The following N4BP1 variants were observed in gnomAD, a reference collection of about 807,000 sequenced individuals.
N4BP1 encodes NEDD4-binding protein 1.
N4BP1 carries 21 observed loss-of-function variants against 70.9 expected under a neutral mutation model. That is an observed-to-expected ratio of 0.30 (90% CI 0.21 to 0.43). The LOEUF (loss-of-function observed/expected upper bound fraction) is 0.43. Ranked by LOEUF, N4BP1 falls within the 20% of genes least tolerant of loss-of-function variation. The pLI, the probability that N4BP1 is intolerant of heterozygous loss-of-function variation, is 1.00. For synonymous variants in N4BP1, 387 were observed against 394.6 expected (o/e 0.98, Z 0.23); for missense variants, 936 against 1,069.4 (o/e 0.88, Z 1.74).
chr16:48,554,341 T>C (rs745309186), intron 2 of N4BP1, among the ~76,000 whole-genome samples: 7 of 152,218 alleles, frequency 4.6e-5, no homozygotes, highest in African/African-American at 7.2e-5. Flanking sequence ...TGTGCGGCTA[T>C]GTTCCACATT....
chr16:48,604,814 G>C (rs1208583109), intron 1 of N4BP1, among the ~76,000 whole-genome samples: 2 of 151,906 alleles, frequency 1.3e-5, no homozygotes, highest in African/African-American at 4.8e-5. Flanking sequence ...ATTAAATCTG[G>C]ATTCCTTGCT....
At chr16:48,570,894 T>G (rs530302906) in intron 1 of N4BP1, among the ~76,000 whole-genome samples, 1 of 152,266 alleles carries the variant, frequency 6.6e-6, no homozygotes, top group East Asian at 1.9e-4. Context: ...TGAGTTCAAG[T>G]GATTCTCCTG....
intron 1 of N4BP1, among the ~76,000 whole-genome samples, chr16:48,592,024 C>A (rs2151099167): frequency 6.6e-6 from 1 of 152,106 alleles, no homozygotes; most frequent in East Asian, 1.9e-4. Flanking sequence ...GGATACTTGG[C>A]TCACTGCACG....
intron 6 of N4BP1, 89 bp from the exon 7 acceptor site, chr16:48,543,350 G>C (rs1963537608): frequency 8.9e-7 from 1 of 1,124,304 alleles, no homozygotes. Flanking sequence ...GGCAGGCCTT[G>C]AGGCTCAGGA....
At chr16:48,552,950 C>T (rs1302409889) in intron 3 of N4BP1, among the ~76,000 whole-genome samples, 3 of 152,060 alleles carry the variant, frequency 2.0e-5, no homozygotes, top group Non-Finnish European at 4.4e-5. Flanking sequence ...CCCTCCTTCC[C>T]CACAATCTAC....
At chr16:48,608,891 T>A (rs1964628487) in intron 1 of N4BP1, among the ~76,000 whole-genome samples, 1 of 152,000 alleles carries the variant, frequency 6.6e-6, no homozygotes, top group Admixed American at 6.5e-5. Flanking sequence ...GTAGGTAATA[T>A]CAATACAAAG....
chr16:48,540,200 G>C lies in N4BP1; in HGVS notation c.*2704C>G, dbSNP rs1312246569. On this transcript the variant is annotated 3_prime_UTR_variant, in exon 7 of 7. Coordinates refer to ENST00000262384, the MANE Select transcript of N4BP1 (RefSeq NM_153029.4). ...TGCAGGAACTGGGTGAGGACAAGGAGGTGCGAGGAAAGGGGTTGGGGGATG... is the reference window on the plus strand; with the variant it reads ...TGCAGGAACTGGGTGAGGACAAGGACGTGCGAGGAAAGGGGTTGGGGGATG... 6.6e-6 allele frequency: 1 copy of C among 152,604 alleles called. No homozygotes were observed. Among genetic ancestry groups the C allele is most frequent in the Non-Finnish European group, 1.5e-5 (1 of 68,318 alleles). 9.5% of individuals were successfully genotyped at this position (152,604 alleles called of 1,614,324 possible).
intron 1 of N4BP1, among the ~76,000 whole-genome samples, chr16:48,568,399 T>G (rs1237384804): frequency 6.6e-6 from 1 of 152,210 alleles, no homozygotes; most frequent in East Asian, 1.9e-4. Context: ...TTATAATTTT[T>G]CTTTCAATGT....
intron 2 of N4BP1, among the ~76,000 whole-genome samples, chr16:48,556,789 G>A (rs554268696): frequency 5.9e-5 from 9 of 152,212 alleles, no homozygotes; most frequent in Non-Finnish European, 8.8e-5. Context: ...AGGAAAAAGC[G>A]ATTTCTTTTT....
chr16:48,546,890 A>G (rs1963598634), intron 5 of N4BP1, among the ~76,000 whole-genome samples: 1 of 152,228 alleles, frequency 6.6e-6, no homozygotes, highest in Non-Finnish European at 1.5e-5. Flanking sequence ...CCCTCCATGC[A>G]TACATGGATG....
intron 5 of N4BP1, chr16:48,546,529 T>G (rs1353796395): frequency 2.3e-5 from 7 of 299,680 alleles, no homozygotes; most frequent in African/African-American, 6.4e-5. Flanking sequence ...GGAAGCCGCT[T>G]CTTCTTCTAA....
chr16:48,596,384 T>C (rs1964415086), intron 1 of N4BP1, among the ~76,000 whole-genome samples: 1 of 152,182 alleles, frequency 6.6e-6, no homozygotes, highest in Admixed American at 6.5e-5. Flanking sequence ...TCAGCCTGGC[T>C]TGCGTGAGTA....
intron 1 of N4BP1, among the ~76,000 whole-genome samples, chr16:48,566,882 C>T (rs1963949841): frequency 6.6e-6 from 1 of 152,172 alleles, no homozygotes; most frequent in Non-Finnish European, 1.5e-5. Flanking sequence ...TATTTTGCAG[C>T]TCTACTGATA....
At chr16:48,583,172 C>A (rs1597106107) in intron 1 of N4BP1, among the ~76,000 whole-genome samples, 1 of 152,070 alleles carries the variant, frequency 6.6e-6, no homozygotes, top group Non-Finnish European at 1.5e-5. Flanking sequence ...GATTCCAGGA[C>A]CCTTTTGCAA....
chr16:48,594,019 C>A (rs7189119), intron 1 of N4BP1, among the ~76,000 whole-genome samples: 31,838 of 94,136 alleles, frequency 0.34, 5,309 homozygotes, highest in African/African-American at 0.4. Context: ...AAAAAAAAAA[C>A]AAAAAAAAAA....
chr16:48,576,172 A>G (rs948976956), intron 1 of N4BP1, among the ~76,000 whole-genome samples: 64 of 151,928 alleles, frequency 4.2e-4, no homozygotes, highest in Non-Finnish European at 6.9e-4. Context: ...AAAGCCTCAG[A>G]AAAAAAACAA....
chr16:48,579,120 A>G (rs1964141255), intron 1 of N4BP1, among the ~76,000 whole-genome samples: 1 of 152,224 alleles, frequency 6.6e-6, no homozygotes, highest in African/African-American at 2.4e-5. Flanking sequence ...CCTACAATAC[A>G]CAGTACAGCC....
chr16:48,547,217 A>G (rs538648211), intron 5 of N4BP1, among the ~76,000 whole-genome samples: 1 of 152,352 alleles, frequency 6.6e-6, no homozygotes, highest in South Asian at 2.1e-4. Context: ...TTTACTATAT[A>G]TTAGTTATAC....
At chr16:48,558,202 G>A (rs1232479211) in intron 2 of N4BP1, among the ~76,000 whole-genome samples, 6 of 149,810 alleles carry the variant, frequency 4.0e-5, no homozygotes, top group Non-Finnish European at 7.4e-5. Flanking sequence ...TCTTCTTAAA[G>A]TAACACATTC....
Sources: gnomAD v4.1 joint callset for allele counts (sites outside exome capture counted in the v4.1 genomes callset) on GRCh38, gnomAD v4.1.1 for gene constraint, MANE v1.5 for transcripts, NCBI Gene and HGNC (gene_info 2026-07-23, HGNC 2026-07-21) for gene names.